Variants in SLCO1C1 observed in about 807,000 individuals in gnomAD.
The protein encoded by SLCO1C1 is solute carrier organic anion transporter family member 1C1.
Under a neutral mutation model 76.4 loss-of-function variants are expected in SLCO1C1, and 70 were observed. The ratio of observed to expected loss-of-function variants is 0.92; its 90% CI spans 0.76 to 1.12. SLCO1C1 has a LOEUF of 1.12. SLCO1C1 is among the 50% of genes most tolerant of loss of function. SLCO1C1 has a pLI of 0.00. For missense variants in SLCO1C1, 912 were observed against 823.8 expected (o/e 1.11, Z -1.31); for synonymous variants, 306 against 286.1 (o/e 1.07, Z -0.70).
intron 7 of SLCO1C1, among the ~76,000 whole-genome samples, chr12:20,721,375 T>C (rs1947660609): frequency 6.6e-6 from 1 of 152,174 alleles, no homozygotes; most frequent in Non-Finnish European, 1.5e-5. Context: ...TCAGCAGCCA[T>C]CAACATTGAG....
intron 3 of SLCO1C1, among the ~76,000 whole-genome samples, chr12:20,704,495 T>C (rs1327220309): frequency 6.6e-6 from 1 of 151,842 alleles, no homozygotes; most frequent in Admixed American, 6.6e-5. Flanking sequence ...CAATGTCTTC[T>C]ACTAAATACT....
chr12:20,732,286 G>C (rs934520018), intron 9 of SLCO1C1, among the ~76,000 whole-genome samples: 1 of 152,206 alleles, frequency 6.6e-6, no homozygotes, highest in Non-Finnish European at 1.5e-5. Context: ...CACTTACTAA[G>C]TGTGGCTATG....
chr12:20,712,533 A>G (rs1947160443), intron 5 of SLCO1C1, among the ~76,000 whole-genome samples: 1 of 151,984 alleles, frequency 6.6e-6, no homozygotes, highest in Non-Finnish European at 1.5e-5. Flanking sequence ...TTCAGCATCA[A>G]TATGCTCCAC....
chr12:20,727,059 A>C (rs947309406), intron 9 of SLCO1C1, among the ~76,000 whole-genome samples: 1 of 152,202 alleles, frequency 6.6e-6, no homozygotes, highest in Non-Finnish European at 1.5e-5. Context: ...CTATGACTGC[A>C]TAGTATTCTG....
At chr12:20,715,308 C>T in intron 6 of SLCO1C1, 23 bp downstream of exon 6, 2 of 1,610,538 alleles carry the variant, frequency 1.2e-6, no homozygotes, top group Non-Finnish European at 1.7e-6. Flanking sequence ...TATTGCTTCA[C>T]TTATCTTCTT....
At chr12:20,738,779 G>C (rs925780156) in intron 11 of SLCO1C1, among the ~76,000 whole-genome samples, 1 of 151,996 alleles carries the variant, frequency 6.6e-6, no homozygotes, top group African/African-American at 2.4e-5. Flanking sequence ...AAATCTCATG[G>C]TCCTGAAATA....
intron 7 of SLCO1C1, among the ~76,000 whole-genome samples, chr12:20,717,651 T>C (rs932180122): frequency 0.014 from 949 of 65,570 alleles, 15 homozygotes; most frequent in African/African-American, 0.087. Flanking sequence ...AGCCCTTCTT[T>C]TTTTTTTTTT....
intron 8 of SLCO1C1, among the ~76,000 whole-genome samples, 173 bp from the exon 9 acceptor site, chr12:20,722,917 C>G (rs1356769270): frequency 6.6e-6 from 1 of 152,204 alleles, no homozygotes; most frequent in Non-Finnish European, 1.5e-5. Context: ...AGATCGCAGG[C>G]TTGACGCATG....
At chr12:20,702,783 AAGAAT>A (rs1946583365) in intron 3 of SLCO1C1, among the ~76,000 whole-genome samples, 1 of 151,840 alleles carries the variant, frequency 6.6e-6, no homozygotes, top group Non-Finnish European at 1.5e-5. Flanking sequence ...GTGCAGATAA[AAGAAT>A]AGAGCAGATA....
At position 20,733,915 on chromosome 12, in the gene SLCO1C1, T is replaced by C. The variant is rs149287519; in HGVS notation, c.1382+811T>C. Reference sequence around the variant, plus strand: ...CATCACTCTACCACTTCACATGAATTTCCAGAGGTAACTTTCTTCATCATT... The same window carrying C: ...CATCACTCTACCACTTCACATGAATCTCCAGAGGTAACTTTCTTCATCATT... On this transcript the variant is annotated intron_variant, in intron 10 of 14. Coordinates refer to ENST00000266509, the MANE Select transcript of SLCO1C1 (RefSeq NM_017435.5). Among the ~76,000 whole-genome samples the C allele has an allele frequency of 2.3e-4, 35 of 152,298 alleles. 1 individual carries two copies. The highest frequency in any genetic ancestry group is 7.5e-4 in the African/African-American group (31 of 41,566).
intron 3 of SLCO1C1, among the ~76,000 whole-genome samples, chr12:20,702,642 C>T (rs529447648): frequency 5.3e-5 from 8 of 151,866 alleles, no homozygotes; most frequent in Admixed American, 2.0e-4. Context: ...CTTAGATTGG[C>T]CCGGATGGTT....
intron 9 of SLCO1C1, among the ~76,000 whole-genome samples, chr12:20,725,117 A>G (rs1453046224): frequency 7.3e-6 from 1 of 137,096 alleles, no homozygotes; most frequent in Non-Finnish European, 1.5e-5. Flanking sequence ...ATATATAACT[A>G]TCATATATAA....
At chr12:20,701,140 CA>C (rs1208504929) in intron 2 of SLCO1C1, among the ~76,000 whole-genome samples, 177 bp from the exon 3 acceptor site, 32 of 152,098 alleles carry the variant, frequency 2.1e-4, no homozygotes, top group Non-Finnish European at 7.4e-5. Flanking sequence ...TGAAAACTTA[CA>C]GTGCTTAAGG....
At chr12:20,743,717 G>A (rs1455019753) in intron 13 of SLCO1C1, among the ~76,000 whole-genome samples, 1 of 116,348 alleles carries the variant, frequency 8.6e-6, no homozygotes, top group Non-Finnish European at 2.1e-5. Flanking sequence ...AAGAAAGGCT[G>A]AAGCCTAAAT....
At chr12:20,712,920 T>C (rs1947186387) in intron 5 of SLCO1C1, among the ~76,000 whole-genome samples, 1 of 152,136 alleles carries the variant, frequency 6.6e-6, no homozygotes, top group Admixed American at 6.5e-5. Flanking sequence ...AATAGATATG[T>C]TCAGGAGGAT....
chr12:20,750,603 G>T (rs1253186450), intron 13 of SLCO1C1, 72 bp from the exon 14 acceptor site: 1 of 1,390,390 alleles, frequency 7.2e-7, no homozygotes, highest in Non-Finnish European at 1.0e-6. Flanking sequence ...AAAGTAAGTG[G>T]TTTCAGATAA....
chr12:20,729,114 A>C (rs143735297), intron 9 of SLCO1C1, among the ~76,000 whole-genome samples: 2 of 152,200 alleles, frequency 1.3e-5, no homozygotes, highest in South Asian at 4.1e-4. Context: ...TTTAATTTCT[A>C]TCTCACTGAA....
chr12:20,744,909 T>TAGTACAC (rs1948971127), intron 13 of SLCO1C1, among the ~76,000 whole-genome samples: 1 of 152,156 alleles, frequency 6.6e-6, no homozygotes, highest in Non-Finnish European at 1.5e-5. Flanking sequence ...GAATAAACTG[T>TAGTACAC]AGTACACACA....
At chr12:20,750,946 T>C (rs1189360129) in intron 14 of SLCO1C1, 154 bp downstream of exon 14, 55 of 1,369,882 alleles carry the variant, frequency 4.0e-5, no homozygotes, top group South Asian at 7.9e-5. Context: ...AGAATAATTA[T>C]ATTATTATTT....
Sources: allele counts gnomAD v4.1 joint callset (sites outside exome capture counted in the v4.1 genomes callset), GRCh38; gene constraint gnomAD v4.1.1; transcripts MANE v1.5; gene names NCBI Gene and HGNC (gene_info 2026-07-23, HGNC 2026-07-21).